C21orf91: variants seen among roughly 807,000 people sequenced by gnomAD.
C21orf91 encodes the protein chromosome 21 open reading frame 91, also known as protein EURL homolog.
In C21orf91, 26 loss-of-function variants were observed where a neutral mutation model predicts 32.9. The observed-to-expected ratio is 0.79, with a 90% CI of 0.58 to 1.10. The LOEUF (loss-of-function observed/expected upper bound fraction) is 1.10, where lower values mean the gene tolerates loss of function less well. Among genes scored for constraint, C21orf91 ranks in the 50% least tolerant of loss-of-function variants. The probability of loss-of-function intolerance (pLI) is 0.00; values close to 1 mark genes in which losing one functional copy is unlikely to be tolerated. For missense variants in C21orf91, 310 were observed against 341.3 expected (o/e 0.91, Z 0.72); for synonymous variants, 126 against 120.4 (o/e 1.05, Z -0.31).
At chr21:17,802,381 A>T (rs1313613615) in intron 2 of C21orf91, among the ~76,000 whole-genome samples, 2 of 152,072 alleles carry the variant, frequency 1.3e-5, no homozygotes, top group African/African-American at 4.8e-5. Flanking sequence ...GGCTGGTCTC[A>T]AACTCCCCAC....
rs1568747610 is a variant in C21orf91 at position 17,793,429 on chromosome 21, G to A, written c.880C>T (p.Pro294Ser). Residue 294 changes from proline to serine, a missense_variant, in exon 5 of 5, where the codon CCC becomes TCC. Physicochemically the swap from Pro to Ser is moderately conservative, Grantham distance 74. Transcript: ENST00000284881. ...GTCTGTTTAGGTCAGTTGTTTATGG[G>A]TAGGTGCGACTTCATTCCTGTTCGC... is the stretch of plus-strand genomic sequence containing the variant. ...VGRTGMKSHL[P>S]INN 6.8e-6 allele frequency: 11 copies of A among 1,609,534 alleles called. No homozygotes were observed. The highest frequency in any genetic ancestry group is 8.5e-6 in the Non-Finnish European group (10 of 1,177,060).
intron 2 of C21orf91, among the ~76,000 whole-genome samples, chr21:17,797,514 T>A (rs1209870387): frequency 6.6e-6 from 1 of 151,190 alleles, no homozygotes; most frequent in Admixed American, 6.6e-5. Flanking sequence ...TGAGGTTCAA[T>A]AACAGAAATA....
chr21:17,804,181 A>G (rs1297639851), intron 2 of C21orf91, among the ~76,000 whole-genome samples: 2 of 152,136 alleles, frequency 1.3e-5, no homozygotes, highest in Non-Finnish European at 2.9e-5. Flanking sequence ...GCCAAGCCAT[A>G]ATTCAGGAAG....
chr21:17,818,384 T>TC, intron 1 of C21orf91, 59 bp from the exon 2 acceptor site: 2 of 1,423,958 alleles, frequency 1.4e-6, no homozygotes, highest in Non-Finnish European at 1.9e-6. Flanking sequence ...TTGGGGTAGT[T>TC]CCCTTTACTG....
intron 2 of C21orf91, among the ~76,000 whole-genome samples, chr21:17,808,785 G>A (rs946713445): frequency 6.6e-6 from 1 of 152,174 alleles, no homozygotes; most frequent in East Asian, 1.9e-4. Context: ...ATGTGAGGAG[G>A]ACATGAGATT....
chr21:17,793,947 A>ACCCC (rs1485508097), intron 4 of C21orf91, among the ~76,000 whole-genome samples: 2 of 152,076 alleles, frequency 1.3e-5, no homozygotes, highest in African/African-American at 4.8e-5. Context: ...CAGGTCTGGA[A>ACCCC]CCCCCTCTAA....
Position 17,810,017 on chromosome 21 carries a change from CAG to C in C21orf91, c.127+8173_127+8174del, listed in dbSNP as rs1224679410. On this transcript the variant is annotated intron_variant, in intron 2 of 4. Transcript: ENST00000284881. ...TTGTTAAAACGATAAATCCAAAGCT[CAG>C]AGTTTAATGGGTTTATTCTCCTTAT... Among the ~76,000 whole-genome samples the C allele has an allele frequency of 3.9e-5, 6 of 152,278 alleles. No homozygotes were observed. The East Asian group carries it at 1.2e-3, about 29-fold the overall frequency.
chr21:17,795,596 C>G (rs1223709383), intron 3 of C21orf91, among the ~76,000 whole-genome samples: 1 of 152,166 alleles, frequency 6.6e-6, no homozygotes, highest in African/African-American at 2.4e-5. Context: ...CCCACCTCAG[C>G]CTCCCTAGGA....
rs1017160481 is a variant in C21orf91, at chr21:17,792,056, G to A, written c.*1359C>T. 9 of 152,086 alleles carry A rather than the reference G, an allele frequency of 5.9e-5. No homozygotes were observed. Among genetic ancestry groups the A allele is most frequent in the African/African-American group, 1.9e-4 (8 of 41,448 alleles). The allele number at this position is 152,086 out of a possible 1,614,324, so 9.4% of individuals were successfully genotyped here. On this transcript the variant is annotated 3_prime_UTR_variant, in exon 5 of 5. Transcript: ENST00000284881. ...ATATCTTTATGCATGAAGCTGCCACGTTACTGGGCTTTTCAGCAGATACTT... is the reference window on the plus strand; with the variant it reads ...ATATCTTTATGCATGAAGCTGCCACATTACTGGGCTTTTCAGCAGATACTT...
chr21:17,804,204 T>C (rs1349647194), intron 2 of C21orf91, among the ~76,000 whole-genome samples: 1 of 152,204 alleles, frequency 6.6e-6, no homozygotes, highest in South Asian at 2.1e-4. Flanking sequence ...ATTACCATTA[T>C]TATCTATTGC....
At chr21:17,802,460 A>C (rs933651174) in intron 2 of C21orf91, among the ~76,000 whole-genome samples, 1 of 152,200 alleles carries the variant, frequency 6.6e-6, no homozygotes, top group African/African-American at 2.4e-5. Flanking sequence ...TCCTGGGATC[A>C]CAGTGGCGTG....
intron 2 of C21orf91, among the ~76,000 whole-genome samples, chr21:17,800,010 TGGGC>T (rs1361405762): frequency 6.6e-6 from 1 of 152,168 alleles, no homozygotes; most frequent in Non-Finnish European, 1.5e-5. Flanking sequence ...TTTAGTCTAA[TGGGC>T]TATTAGTCTA....
chr21:17,808,478 T>C (rs1419250415), intron 2 of C21orf91, among the ~76,000 whole-genome samples: 3 of 152,194 alleles, frequency 2.0e-5, no homozygotes, highest in Non-Finnish European at 4.4e-5. Context: ...AGAGTCCCCA[T>C]TGTGGCACTG....
intron 2 of C21orf91, among the ~76,000 whole-genome samples, chr21:17,813,626 C>G (rs1037124994): frequency 6.6e-6 from 1 of 152,172 alleles, no homozygotes; most frequent in Non-Finnish European, 1.5e-5. Context: ...GACTGAATGT[C>G]TCTTATCTGA....
chr21:17,818,235 T>C lies in C21orf91; in HGVS notation c.84A>G (p.Glu28=). 1 of 1,611,014 alleles carries C rather than the reference T, an allele frequency of 6.2e-7. No homozygotes were observed. Among genetic ancestry groups the C allele is most frequent in the South Asian group, 1.1e-5 (1 of 91,022 alleles). The change falls in exon 2 of 5, where the codon GAA becomes GAG. Residue 28 remains glutamate (E), a synonymous_variant. Coordinates refer to ENST00000284881, the MANE Select transcript of C21orf91 (RefSeq NM_001100420.2). ...CSVCKLGTDK[E]TLSFCHICFE... ...AACAAATGTGGCAGAAGGAGAGTGT[T>C]TCTTTGTCTGTTCCCAGTTTACAAA...
rs935087463 is a variant in C21orf91, at chr21:17,796,949, C to A, written c.297G>T (p.Gln99His). The part of the protein sequence containing the change: ...ILSKKINWIV[Q>H]YAQNKDLDSD... Reference sequence around the variant, plus strand: ...AATCCAGATCCTTATTTTGTGCATACTGCACAATCCAGTTTATCTTCTTAC... The same window carrying A: ...AATCCAGATCCTTATTTTGTGCATAATGCACAATCCAGTTTATCTTCTTAC... Residue 99 changes from glutamine to histidine, a missense_variant, in exon 3 of 5, where the codon CAG (glutamine) becomes CAT (histidine). Gln to His is a conservative substitution (Grantham distance 24, BLOSUM62 0). Transcript: ENST00000284881. 9.3e-6 allele frequency: 15 copies of A among 1,611,668 alleles called. No homozygotes were observed. The highest frequency in any genetic ancestry group is 1.7e-5 in the Admixed American group (1 of 59,978).
rs2062477827 is a variant in C21orf91 at position 17,791,988 on chromosome 21, C to T, written c.*1427G>A. 1 of 152,098 alleles carries T rather than the reference C, an allele frequency of 6.6e-6. No individual in the cohort carries two copies. Among genetic ancestry groups the T allele is most frequent in the Non-Finnish European group, 1.5e-5 (1 of 67,980 alleles). The allele number at this position is 152,098 out of a possible 1,614,324, so 9.4% of individuals were successfully genotyped here. ...TCTTGTGTTCAACAACAAAATCTGA[C>T]CCAAGCCAGGGTAGGCTGCCAAATT... On this transcript the variant is annotated 3_prime_UTR_variant, in exon 5 of 5. Coordinates refer to ENST00000284881, the MANE Select transcript of C21orf91 (RefSeq NM_001100420.2).
chr21:17,817,828 G>A (rs994704698), intron 2 of C21orf91: 2 of 160,450 alleles, frequency 1.2e-5, no homozygotes, highest in Admixed American at 6.5e-5. Context: ...TAATAGGCTC[G>A]AAAGAATAAA....
chr21:17,803,113 A>C (rs1006618581), intron 2 of C21orf91, among the ~76,000 whole-genome samples: 19 of 152,188 alleles, frequency 1.2e-4, no homozygotes, highest in Non-Finnish European at 2.1e-4. Context: ...TTGATGTTTA[A>C]ATAAGGCAAA....
Sources: allele counts gnomAD v4.1 joint callset (sites outside exome capture counted in the v4.1 genomes callset), GRCh38; gene constraint gnomAD v4.1.1; transcripts MANE v1.5; gene names NCBI Gene and HGNC (gene_info 2026-07-23, HGNC 2026-07-21).